Variants in SCAND3 observed in about 807,000 individuals in gnomAD.
SCAND3 encodes SCAN domain containing 3.
At chr6:28,584,726 G>C in the SCAND3 span, among the ~76,000 whole-genome samples, 1 of 152,110 alleles carries the variant, frequency 6.6e-6, no homozygotes, top group East Asian at 1.9e-4. Flanking sequence ...TCTGAGCCAG[G>C]GGATGGCCTT....
chr6:28,613,739 A>T, the SCAND3 span, among the ~76,000 whole-genome samples: 1 of 152,222 alleles, frequency 6.6e-6, no homozygotes, highest in South Asian at 2.1e-4. Context: ...CTAAGGGACT[A>T]GATGTTGCAA....
At chr6:28,592,270 C>G in the SCAND3 span, among the ~76,000 whole-genome samples, 1 of 152,064 alleles carries the variant, frequency 6.6e-6, no homozygotes, top group East Asian at 1.9e-4. The surrounding 1 kb of genome is among the most constrained non-coding windows in gnomAD (Gnocchi z 4.1). Context: ...ATTAAACAAT[C>G]AGTAGCATTT....
chr6:28,607,087 A>G, the SCAND3 span, among the ~76,000 whole-genome samples: 3 of 152,232 alleles, frequency 2.0e-5, no homozygotes, highest in Non-Finnish European at 2.9e-5. Flanking sequence ...TTTCATTGCA[A>G]TTTACCGAAT....
chr6:28,603,237 C>T, the SCAND3 span, among the ~76,000 whole-genome samples: 3 of 152,112 alleles, frequency 2.0e-5, no homozygotes, highest in Non-Finnish European at 4.4e-5. Context: ...GGATTACAGG[C>T]GTGAGCCACC....
chr6:28,571,765 T>C, the SCAND3 span: 11 of 917,762 alleles, frequency 1.2e-5, no homozygotes, highest in Admixed American at 1.8e-4. Flanking sequence ...GCAATTTATA[T>C]AGAAAATTGC....
the SCAND3 span, among the ~76,000 whole-genome samples, chr6:28,593,155 A>G: frequency 2.0e-5 from 3 of 152,186 alleles, no homozygotes; most frequent in African/African-American, 7.2e-5. Flanking sequence ...TGCAAACCTT[A>G]TATCTAATAA....
chr6:28,582,728 C>A, the SCAND3 span, among the ~76,000 whole-genome samples: 2 of 151,796 alleles, frequency 1.3e-5, no homozygotes, highest in East Asian at 3.9e-4. This position sits in a 1 kb window ranked among gnomAD's most constrained non-coding sequence, Gnocchi z 4.8. Context: ...CGAGACCATC[C>A]TGGCCAACAT....
the SCAND3 span, chr6:28,579,453 C>T: frequency 1.9e-6 from 3 of 1,580,672 alleles, no homozygotes; most frequent in African/African-American, 1.4e-5. This position sits in a 1 kb window ranked among gnomAD's most constrained non-coding sequence, Gnocchi z 4.5. Context: ...GTAAACAATA[C>T]AAATAATTGT....
the SCAND3 span, among the ~76,000 whole-genome samples, chr6:28,600,603 G>C: frequency 1.3e-5 from 2 of 151,932 alleles, no homozygotes; most frequent in African/African-American, 4.8e-5. Context: ...CTCCAGCCTG[G>C]GTGACAAAGT....
chr6:28,604,481 T>G, the SCAND3 span, among the ~76,000 whole-genome samples: 3 of 152,044 alleles, frequency 2.0e-5, no homozygotes, highest in African/African-American at 7.2e-5. Flanking sequence ...CTGGGCGTGG[T>G]GGCACACCCC....
the SCAND3 span, chr6:28,587,427 C>T: frequency 6.6e-6 from 1 of 152,266 alleles, no homozygotes; most frequent in Non-Finnish European, 1.5e-5. Context: ...GAGGCAAGTA[C>T]TCTGGAAACG....
chr6:28,576,044 T>C, the SCAND3 span: 2 of 1,613,814 alleles, frequency 1.2e-6, no homozygotes, highest in Non-Finnish European at 1.7e-6. Context: ...TCTCTCATGT[T>C]TTCTGGTTCA....
chr6:28,597,736 A>G, the SCAND3 span: 1 of 152,232 alleles, frequency 6.6e-6, no homozygotes, highest in Non-Finnish European at 1.5e-5. Context: ...GGCTCCAGCT[A>G]GCTCCTCTGT....
chr6:28,610,143 A>T, the SCAND3 span, among the ~76,000 whole-genome samples: 1 of 151,906 alleles, frequency 6.6e-6, no homozygotes, highest in Non-Finnish European at 1.5e-5. Flanking sequence ...AGAATGGCTT[A>T]AAGCCAGTAA....
At chr6:28,574,419 C>A in the SCAND3 span, among the ~76,000 whole-genome samples, 1,342 of 152,218 alleles carry the variant, frequency 8.8e-3, 62 homozygotes, top group Admixed American at 0.07. Flanking sequence ...TCTTTCCCAA[C>A]ACAAACCCAT....
the SCAND3 span, chr6:28,579,438 A>G: frequency 1.2e-3 from 1,902 of 1,601,236 alleles, 73 homozygotes; most frequent in East Asian, 0.042. The surrounding 1 kb of genome is among the most constrained non-coding windows in gnomAD (Gnocchi z 4.5). Context: ...AAGTAGGTGC[A>G]TTTGGTAAAC....
chr6:28,581,912 T>C, the SCAND3 span, among the ~76,000 whole-genome samples: 2 of 152,228 alleles, frequency 1.3e-5, no homozygotes, highest in Non-Finnish European at 2.9e-5. Context: ...CAGCTAAAAG[T>C]GTCTGCCAGT....
chr6:28,588,202 G>T, the SCAND3 span: 1 of 152,174 alleles, frequency 6.6e-6, no homozygotes, highest in Non-Finnish European at 1.5e-5. This position sits in a 1 kb window ranked among gnomAD's most constrained non-coding sequence, Gnocchi z 4.1. Flanking sequence ...CTGTGTGCCT[G>T]TGTCATCCAA....
At chr6:28,609,965 C>T in the SCAND3 span, among the ~76,000 whole-genome samples, 34 of 152,236 alleles carry the variant, frequency 2.2e-4, no homozygotes, top group African/African-American at 6.3e-4. Context: ...TTGGCACATG[C>T]CTGGAATCCC....
Sources: gnomAD v4.1 joint callset for allele counts (sites outside exome capture counted in the v4.1 genomes callset) on GRCh38, gnomAD v4.1.1 for gene constraint, Gnocchi (gnomAD v3.1) non-coding constraint, MANE v1.5 for transcripts, NCBI Gene and HGNC (gene_info 2026-07-23, HGNC 2026-07-21) for gene names.